Variants in KCNN2 observed in about 807,000 individuals in gnomAD.
KCNN2 encodes potassium calcium-activated channel subfamily N member 2, also known as small conductance calcium-activated potassium channel protein 2.
A neutral mutation model predicts 55.5 loss-of-function variants in KCNN2; 24 were observed. The ratio of observed to expected loss-of-function variants is 0.43; its 90% CI spans 0.31 to 0.61. The LOEUF (loss-of-function observed/expected upper bound fraction) is 0.61, where lower values mean the gene tolerates loss of function less well. Among genes scored for constraint, KCNN2 ranks in the 20% least tolerant of loss-of-function variants. KCNN2 has a pLI of 0.08. For synonymous variants in KCNN2, 431 were observed against 336.1 expected (o/e 1.28, Z -3.09); for missense variants, 754 against 853.6 (o/e 0.88, Z 1.45).
At chr5:114,096,566 C>A (rs1751259364) in intron 1 of KCNN2, among the ~76,000 whole-genome samples, 1 of 152,054 alleles carries the variant, frequency 6.6e-6, no homozygotes, top group South Asian at 2.1e-4. Context: ...GGTGCAGAAT[C>A]CAGGCCTGGA....
intron 2 of KCNN2, among the ~76,000 whole-genome samples, chr5:114,311,450 C>T (rs1424736530): frequency 6.6e-6 from 1 of 152,146 alleles, no homozygotes; most frequent in African/African-American, 2.4e-5. Flanking sequence ...GCGACTTCCC[C>T]TTGGCAGAGT....
chr5:114,239,843 A>G (rs892274291), intron 2 of KCNN2, among the ~76,000 whole-genome samples: 1 of 152,346 alleles, frequency 6.6e-6, no homozygotes, highest in South Asian at 2.1e-4. Flanking sequence ...TTGAACTATC[A>G]GTTGAAAGCA....
intron 3 of KCNN2, among the ~76,000 whole-genome samples, chr5:114,455,098 C>T (rs2150108339): frequency 6.6e-6 from 1 of 151,822 alleles, no homozygotes; most frequent in East Asian, 1.9e-4. Context: ...TCAGTGGTTC[C>T]TTTGGGGTTT....
At chr5:114,150,205 C>G (rs755504805) in intron 1 of KCNN2, among the ~76,000 whole-genome samples, 1 of 152,156 alleles carries the variant, frequency 6.6e-6, no homozygotes, top group Non-Finnish European at 1.5e-5. Flanking sequence ...TCCGTAGTAG[C>G]AAGAGTTTCA....
At chr5:114,299,467 A>G (rs1561561440) in intron 2 of KCNN2, among the ~76,000 whole-genome samples, 2 of 152,206 alleles carry the variant, frequency 1.3e-5, no homozygotes, top group African/African-American at 4.8e-5. Context: ...TATAAAAGGT[A>G]AAGAGCTTAA....
chr5:114,235,878 T>C (rs1754480494), intron 2 of KCNN2, among the ~76,000 whole-genome samples: 1 of 152,224 alleles, frequency 6.6e-6, no homozygotes, highest in Non-Finnish European at 1.5e-5. Context: ...AAACTGAGTA[T>C]GAAAACGGCT....
intron 5 of KCNN2, among the ~76,000 whole-genome samples, chr5:114,482,144 G>GTA (rs1762256958): frequency 6.6e-6 from 1 of 152,066 alleles, no homozygotes; most frequent in African/African-American, 2.4e-5. Flanking sequence ...TGACAAAGGT[G>GTA]TAATATCCAG....
chr5:114,485,506 G>T (rs1463282250), intron 5 of KCNN2, among the ~76,000 whole-genome samples: 3 of 152,126 alleles, frequency 2.0e-5, no homozygotes. Context: ...GATGAAAAAA[G>T]CTTCTGAAAG....
intron 3 of KCNN2, among the ~76,000 whole-genome samples, chr5:114,461,172 A>C (rs944090399): frequency 6.6e-6 from 1 of 152,204 alleles, no homozygotes; most frequent in Admixed American, 6.5e-5. Context: ...GTGGCTGAGC[A>C]TAGCACTGAT....
rs543852796 is a variant in KCNN2 at position 114,288,740 on chromosome 5, T to A, written c.-185+67175T>A. The stretch of plus-strand genomic sequence containing the variant: ...TGTCTTTTTGTTATTGAGTTGTAAG[T>A]ATCTTTATATTCTAGAGAATAAACC... On this transcript the variant is annotated intron_variant, in intron 2 of 10. Coordinates refer to the KCNN2 transcript ENST00000512097. Among the ~76,000 whole-genome samples, 4 of 152,320 alleles carry A rather than the reference T, an allele frequency of 2.6e-5. No homozygotes were observed. In the South Asian group the frequency reaches 8.3e-4, roughly 32 times the overall value.
At position 114,080,203 on chromosome 5, in the gene KCNN2, A is replaced by G. The variant is rs201878042; in HGVS notation, c.-271+23703A>G. Reference sequence around the variant, plus strand: ...ATTCTACCGAATGGTTGTGGATGAGACATTTGAAAACTAGAATGAGAAAGC... The same window carrying G: ...ATTCTACCGAATGGTTGTGGATGAGGCATTTGAAAACTAGAATGAGAAAGC... On this transcript the variant is annotated intron_variant, in intron 1 of 10. Coordinates refer to the KCNN2 transcript ENST00000512097. Among the ~76,000 whole-genome samples the G allele has an allele frequency of 3.3e-5, 5 of 152,180 alleles. No homozygotes were observed. The East Asian group carries it at 9.6e-4, about 29-fold the overall frequency.
chr5:114,062,343 C>T lies in KCNN2; in HGVS notation c.-271+5843C>T, dbSNP rs1750350094. 3.3e-5 allele frequency among the ~76,000 whole-genome samples: 5 copies of T among 152,292 alleles called. No individual in the cohort carries two copies. The South Asian group carries it at 1.0e-3, about 32-fold the overall frequency. On this transcript the variant is annotated intron_variant, in intron 1 of 10. Coordinates refer to the KCNN2 transcript ENST00000512097. ...CAGTGCAGCAAGAGGATGATTTTGG[C>T]TGTAGTGGTTCAGAAGTACTGAAAG...
At chr5:114,257,414 G>A (rs954060553) in intron 2 of KCNN2, among the ~76,000 whole-genome samples, 1 of 151,830 alleles carries the variant, frequency 6.6e-6, no homozygotes, top group Non-Finnish European at 1.5e-5. Flanking sequence ...ATTTTGGTAG[G>A]AATCACGTTG....
chr5:114,333,570 A>G (rs921268779), intron 2 of KCNN2, among the ~76,000 whole-genome samples: 2 of 151,970 alleles, frequency 1.3e-5, no homozygotes, highest in African/African-American at 4.8e-5. Context: ...ATGTAGTTCT[A>G]CATTTCTGTA....
intron 1 of KCNN2, among the ~76,000 whole-genome samples, chr5:114,153,292 C>T (rs922126211): frequency 2.0e-5 from 3 of 152,254 alleles, no homozygotes; most frequent in South Asian, 2.1e-4. Context: ...ATGCACTTCT[C>T]GCCCACCTCC....
chr5:114,437,372 G>T (rs935826549), intron 3 of KCNN2, among the ~76,000 whole-genome samples: 1 of 152,096 alleles, frequency 6.6e-6, no homozygotes, highest in Non-Finnish European at 1.5e-5. Flanking sequence ...ATGAATGCAA[G>T]TGTTATTTAT....
intron 1 of KCNN2, among the ~76,000 whole-genome samples, chr5:114,094,602 T>G (rs1474804168): frequency 6.6e-6 from 1 of 152,196 alleles, no homozygotes; most frequent in African/African-American, 2.4e-5. Flanking sequence ...ACAAGTAAAG[T>G]GATTTTTCAA....
chr5:114,401,661 A>G (rs766025111), intron 2 of KCNN2, among the ~76,000 whole-genome samples: 5 of 152,200 alleles, frequency 3.3e-5, no homozygotes, highest in African/African-American at 7.2e-5. Flanking sequence ...CAGGGCATCT[A>G]CTACATGCTA....
intron 3 of KCNN2, among the ~76,000 whole-genome samples, chr5:114,459,655 A>G (rs1338721990): frequency 6.6e-6 from 1 of 152,202 alleles, no homozygotes. Context: ...TGCAACATAA[A>G]CATTAGTATG....
Sources: allele counts gnomAD v4.1 joint callset (sites outside exome capture counted in the v4.1 genomes callset), GRCh38; gene constraint gnomAD v4.1.1; transcripts MANE v1.5; gene names NCBI Gene and HGNC (gene_info 2026-07-23, HGNC 2026-07-21).